CNTNAP5: variants seen among roughly 807,000 people sequenced by gnomAD.
CNTNAP5 encodes the protein contactin-associated protein-like 5.
CNTNAP5 carries 72 observed loss-of-function variants against 150.2 expected under a neutral mutation model. The observed-to-expected ratio is 0.48, with a 90% CI of 0.40 to 0.58. The LOEUF (loss-of-function observed/expected upper bound fraction) is 0.58. Ranked by LOEUF, CNTNAP5 falls within the 20% of genes least tolerant of loss-of-function variation. The pLI is 0.00. For synonymous variants in CNTNAP5, 672 were observed against 619.8 expected (o/e 1.08, Z -1.25); for missense variants, 1,636 against 1,626.2 (o/e 1.01, Z -0.10).
At chr2:124,120,546 C>A (rs1403169015) in intron 1 of CNTNAP5, among the ~76,000 whole-genome samples, 1 of 152,168 alleles carries the variant, frequency 6.6e-6, no homozygotes, top group Non-Finnish European at 1.5e-5. Context: ...TAGAAACTAT[C>A]TGGTGTAATC....
intron 10 of CNTNAP5, among the ~76,000 whole-genome samples, chr2:124,551,238 C>T (rs1306132624): frequency 1.1e-4 from 16 of 152,080 alleles, no homozygotes; most frequent in Admixed American, 8.5e-4. Context: ...CAACAATCTG[C>T]GATTGACTCC....
intron 3 of CNTNAP5, among the ~76,000 whole-genome samples, chr2:124,242,823 C>T (rs1480537698): frequency 4.6e-5 from 7 of 152,206 alleles, no homozygotes; most frequent in African/African-American, 1.7e-4. Context: ...ATTTGATCAA[C>T]ATTGCCCAAT....
chr2:124,830,729 G>A (rs1484653528), intron 19 of CNTNAP5, among the ~76,000 whole-genome samples: 1 of 151,966 alleles, frequency 6.6e-6, no homozygotes, highest in Non-Finnish European at 1.5e-5. Flanking sequence ...GGACCTTCAA[G>A]ATAAACATTT....
chr2:124,491,954 TTG>T (rs1306809308), intron 7 of CNTNAP5, among the ~76,000 whole-genome samples: 1 of 152,108 alleles, frequency 6.6e-6, no homozygotes, highest in East Asian at 1.9e-4. Flanking sequence ...TTTGGGTTTT[TTG>T]TTTGTTTGTT....
chr2:124,679,715 C>T (rs1679022586), intron 13 of CNTNAP5, among the ~76,000 whole-genome samples: 1 of 151,608 alleles, frequency 6.6e-6, no homozygotes, highest in Admixed American at 6.7e-5. Flanking sequence ...ACTGCAGGCA[C>T]CACCATGCCT....
chr2:124,470,835 C>T (rs542657130), intron 6 of CNTNAP5, among the ~76,000 whole-genome samples: 37 of 152,070 alleles, frequency 2.4e-4, no homozygotes, highest in Admixed American at 9.2e-4. Flanking sequence ...ATCTTTTTCC[C>T]ATTGCTTATT....
At chr2:124,848,278 G>T (rs1328992060) in intron 19 of CNTNAP5, among the ~76,000 whole-genome samples, 1 of 152,060 alleles carries the variant, frequency 6.6e-6, no homozygotes, top group African/African-American at 2.4e-5. Context: ...TACAGTGTCT[G>T]TCTCTCTGTG....
At chr2:124,060,963 C>T (rs1423712955) in intron 1 of CNTNAP5, among the ~76,000 whole-genome samples, 1 of 152,162 alleles carries the variant, frequency 6.6e-6, no homozygotes, top group Non-Finnish European at 1.5e-5. Flanking sequence ...TCATTTAAGT[C>T]TGTCTTTCTG....
intron 3 of CNTNAP5, among the ~76,000 whole-genome samples, chr2:124,339,201 C>A (rs1689548893): frequency 6.6e-6 from 1 of 152,114 alleles, no homozygotes; most frequent in African/African-American, 2.4e-5. Flanking sequence ...CTAGAAAGTT[C>A]TAGAACCCTC....
intron 22 of CNTNAP5, among the ~76,000 whole-genome samples, 166 bp downstream of exon 22, chr2:124,903,266 T>C (rs1047312770): frequency 1.3e-5 from 2 of 152,192 alleles, no homozygotes; most frequent in Non-Finnish European, 2.9e-5. Flanking sequence ...ATTTTATACA[T>C]ATTTGATGTA....
At chr2:124,381,416 A>G (rs1690792161) in intron 3 of CNTNAP5, among the ~76,000 whole-genome samples, 1 of 152,116 alleles carries the variant, frequency 6.6e-6, no homozygotes, top group South Asian at 2.1e-4. Context: ...AAGAAATGAT[A>G]GGTCTTAGAC....
intron 17 of CNTNAP5, among the ~76,000 whole-genome samples, chr2:124,783,064 C>T (rs1250076786): frequency 1.3e-5 from 2 of 152,156 alleles, no homozygotes; most frequent in Non-Finnish European, 2.9e-5. Flanking sequence ...AAATCATATT[C>T]GACCTCTGAT....
intron 3 of CNTNAP5, among the ~76,000 whole-genome samples, chr2:124,386,538 C>G (rs1446425290): frequency 1.3e-5 from 2 of 152,236 alleles, no homozygotes; most frequent in East Asian, 3.9e-4. Context: ...TGAGCTAAAT[C>G]TTTCTTACAA....
At chr2:124,882,675 G>T (rs1275973504) in intron 21 of CNTNAP5, among the ~76,000 whole-genome samples, 1 of 152,066 alleles carries the variant, frequency 6.6e-6, no homozygotes, top group Non-Finnish European at 1.5e-5. Flanking sequence ...GCTGCTTTAG[G>T]TCTGTGAACA....
chr2:124,649,773 C>A lies in CNTNAP5; in HGVS notation c.2077+1815C>A, dbSNP rs117898411. ...AAAATCCTGAACCCATGCAGTTGAT[C>A]TGAGGATGGAAGAAAAAATTTAGTC... On this transcript the variant is annotated intron_variant, in intron 13 of 23. Coordinates refer to ENST00000682447, the MANE Select transcript of CNTNAP5 (RefSeq NM_001367498.1). 3.8e-4 allele frequency among the ~76,000 whole-genome samples: 58 copies of A among 152,268 alleles called. No individual in the cohort carries two copies. The East Asian group carries it at 0.011, about 28-fold the overall frequency.
At chr2:124,231,607 A>T (rs927257474) in intron 2 of CNTNAP5, among the ~76,000 whole-genome samples, 1 of 152,154 alleles carries the variant, frequency 6.6e-6, no homozygotes, top group African/African-American at 2.4e-5. Context: ...TCAAGGAAGA[A>T]AGAGAAACCT....
intron 2 of CNTNAP5, among the ~76,000 whole-genome samples, chr2:124,235,213 T>C (rs1686719356): frequency 6.6e-6 from 1 of 152,146 alleles, no homozygotes; most frequent in Non-Finnish European, 1.5e-5. Context: ...TGACACTCGC[T>C]GAGTTGAGGA....
intron 21 of CNTNAP5, among the ~76,000 whole-genome samples, chr2:124,896,399 G>A (rs969396093): frequency 6.6e-6 from 1 of 151,396 alleles, no homozygotes; most frequent in African/African-American, 2.5e-5. Context: ...CTCTGTATTG[G>A]ACACTGTGTT....
At chr2:124,834,758 C>T (rs1020769005) in intron 19 of CNTNAP5, among the ~76,000 whole-genome samples, 3 of 150,136 alleles carry the variant, frequency 2.0e-5, no homozygotes, top group Admixed American at 6.8e-5. Context: ...CTATAGTGTA[C>T]TTGCTTTAAA....
Sources: allele counts gnomAD v4.1 joint callset (sites outside exome capture counted in the v4.1 genomes callset), GRCh38; gene constraint gnomAD v4.1.1; transcripts MANE v1.5; gene names NCBI Gene and HGNC (gene_info 2026-07-23, HGNC 2026-07-21).